STK39: variants seen among roughly 807,000 people sequenced by gnomAD.
The protein encoded by STK39 is STE20/SPS1-related proline-alanine-rich protein kinase.
Under a neutral mutation model 77.8 loss-of-function variants are expected in STK39, and 20 were observed. The ratio of observed to expected loss-of-function variants is 0.26; its 90% CI spans 0.18 to 0.37. The LOEUF is 0.37. STK39 is among the 10% of genes least tolerant of loss of function. The pLI is 1.00. For synonymous variants in STK39, 246 were observed against 234.1 expected (o/e 1.05, Z -0.47); for missense variants, 479 against 656.5 (o/e 0.73, Z 2.95).
chr2:168,056,215 TAAATAGTGGAG>T (rs1685521901), intron 14 of STK39, among the ~76,000 whole-genome samples: 1 of 151,972 alleles, frequency 6.6e-6, no homozygotes, highest in African/African-American at 2.4e-5. Context: ...CAGGAATAAA[TAAATAGTGGAG>T]AAATACACTA....
chr2:168,201,219 A>T lies in STK39; in HGVS notation c.209-19129T>A, dbSNP rs192810613. 1.1e-3 allele frequency among the ~76,000 whole-genome samples: 162 copies of T among 152,344 alleles called. 1 individual carries two copies. Among genetic ancestry groups the T allele is most frequent in the African/African-American group, 3.5e-3 (145 of 41,586 alleles). ...TCATTTATTAAGTATATGATGGGACATTCCTTCCGAGATTTTCTTTTTAAA... is the reference window on the plus strand; with the variant it reads ...TCATTTATTAAGTATATGATGGGACTTTCCTTCCGAGATTTTCTTTTTAAA... On this transcript the variant is annotated intron_variant, in intron 1 of 17. Coordinates refer to ENST00000355999, the MANE Select transcript of STK39 (RefSeq NM_013233.3).
rs572915041 is a variant in STK39, at chr2:168,061,370, G to A, written c.1376+2130C>T. 5.3e-5 allele frequency among the ~76,000 whole-genome samples: 8 copies of A among 152,072 alleles called. No individual in the cohort carries two copies. The South Asian group carries it at 1.5e-3, about 28-fold the overall frequency. On this transcript the variant is annotated intron_variant, in intron 14 of 17. Transcript: ENST00000355999. ...AAAATAACCACATAAAAAGAGTTAC[G>A]AGATCAAATAGGTTTTAGATTAAAG... is the stretch of plus-strand genomic sequence containing the variant.
At chr2:168,091,127 T>G (rs1272375734) in intron 10 of STK39, among the ~76,000 whole-genome samples, 1 of 147,712 alleles carries the variant, frequency 6.8e-6, no homozygotes, top group East Asian at 2.0e-4. Flanking sequence ...ACTTCAGATG[T>G]GAGGATAGAA....
chr2:168,150,157 C>T (rs1432940200), intron 5 of STK39, among the ~76,000 whole-genome samples: 2 of 152,188 alleles, frequency 1.3e-5, no homozygotes, highest in Non-Finnish European at 2.9e-5. Flanking sequence ...GGCACTATGG[C>T]GTGATTCAGT....
chr2:167,986,721 G>C (rs13411544), intron 16 of STK39, among the ~76,000 whole-genome samples: 23,962 of 152,134 alleles, frequency 0.16, 2,106 homozygotes, highest in Middle Eastern at 0.21. Context: ...AGACAAGAAA[G>C]GAACACCGTG....
intron 1 of STK39, among the ~76,000 whole-genome samples, chr2:168,236,475 T>G (rs1690612665): frequency 6.6e-6 from 1 of 152,250 alleles, no homozygotes; most frequent in Non-Finnish European, 1.5e-5. Context: ...ATTTGTCAAT[T>G]TTGGCTTTTG....
At chr2:168,087,099 G>A (rs554368051) in intron 10 of STK39, among the ~76,000 whole-genome samples, 4 of 152,314 alleles carry the variant, frequency 2.6e-5, no homozygotes, top group Admixed American at 1.3e-4. Context: ...AAATAGCACA[G>A]AAGAGAAAAC....
chr2:168,198,540 G>C (rs1302490999), intron 1 of STK39, among the ~76,000 whole-genome samples: 1 of 152,088 alleles, frequency 6.6e-6, no homozygotes, highest in Non-Finnish European at 1.5e-5. Context: ...CCCAAACCAA[G>C]TAAGTAAAAA....
At chr2:168,135,963 T>A (rs1405776783) in intron 8 of STK39, among the ~76,000 whole-genome samples, 1 of 147,654 alleles carries the variant, frequency 6.8e-6, no homozygotes, top group East Asian at 2.0e-4. Context: ...TTTGAATATA[T>A]GTTATATGAC....
intron 10 of STK39, among the ~76,000 whole-genome samples, chr2:168,110,292 G>A (rs942890687): frequency 5.3e-5 from 8 of 152,188 alleles, no homozygotes; most frequent in South Asian, 2.1e-4. Context: ...CAGTGTAGTG[G>A]TACAATCAGA....
At chr2:168,081,297 A>G (rs1686223691) in intron 10 of STK39, among the ~76,000 whole-genome samples, 1 of 152,200 alleles carries the variant, frequency 6.6e-6, no homozygotes, top group Non-Finnish European at 1.5e-5. Context: ...ATGGGAACCC[A>G]TCTCTTGCAT....
At chr2:167,998,551 A>G (rs1574378960) in intron 16 of STK39, among the ~76,000 whole-genome samples, 2 of 152,242 alleles carry the variant, frequency 1.3e-5, no homozygotes, top group African/African-American at 4.8e-5. Context: ...GGGAATGTAC[A>G]TGAAGTGAAG....
chr2:168,025,746 AAATG>A (rs1684680517), intron 14 of STK39, among the ~76,000 whole-genome samples: 1 of 152,232 alleles, frequency 6.6e-6, no homozygotes, highest in South Asian at 2.1e-4. Flanking sequence ...AGGAACCTAC[AAATG>A]AAGGCCAGAA....
chr2:168,172,502 C>T (rs745398813), intron 2 of STK39, among the ~76,000 whole-genome samples: 17 of 152,082 alleles, frequency 1.1e-4, no homozygotes, highest in African/African-American at 3.6e-4. Flanking sequence ...CAAACTCTTT[C>T]GGAATAAGTT....
At chr2:168,151,275 G>C (rs1688274395) in intron 5 of STK39, among the ~76,000 whole-genome samples, 1 of 152,082 alleles carries the variant, frequency 6.6e-6, no homozygotes, top group African/African-American at 2.4e-5. Context: ...GTCCATAAAG[G>C]TAGAGTTTCA....
At chr2:168,046,058 T>C (rs1235899146) in intron 14 of STK39, among the ~76,000 whole-genome samples, 1 of 152,062 alleles carries the variant, frequency 6.6e-6, no homozygotes, top group African/African-American at 2.4e-5. Context: ...CCCTACTGCC[T>C]GAGCAAGGAA....
intron 1 of STK39, among the ~76,000 whole-genome samples, chr2:168,189,148 G>A (rs1176412511): frequency 2.6e-5 from 4 of 152,152 alleles, no homozygotes; most frequent in African/African-American, 9.7e-5. Flanking sequence ...TGGATTAATG[G>A]CCACTCAGTG....
At chr2:167,976,810 G>T (rs1357569521) in intron 16 of STK39, among the ~76,000 whole-genome samples, 2 of 152,164 alleles carry the variant, frequency 1.3e-5, no homozygotes, top group Non-Finnish European at 2.9e-5. Flanking sequence ...CAAGCCTTCA[G>T]AGAGACTGGT....
chr2:168,076,032 A>AG (rs11403583), intron 10 of STK39, among the ~76,000 whole-genome samples: 16,627 of 152,186 alleles, frequency 0.11, 1,711 homozygotes, highest in African/African-American at 0.24. Flanking sequence ...AGGATGACTG[A>AG]AGTGAGCCTC....
Sources: allele counts gnomAD v4.1 joint callset (sites outside exome capture counted in the v4.1 genomes callset), GRCh38; gene constraint gnomAD v4.1.1; transcripts MANE v1.5; gene names NCBI Gene and HGNC (gene_info 2026-07-23, HGNC 2026-07-21).